DCAF4: variants seen among roughly 807,000 people sequenced by gnomAD.
The protein encoded by DCAF4 is DDB1- and CUL4-associated factor 4.
A neutral mutation model predicts 60.9 loss-of-function variants in DCAF4; 37 were observed. That is an observed-to-expected ratio of 0.61 (90% CI 0.47 to 0.80). The LOEUF is 0.80. Among genes scored for constraint, DCAF4 ranks in the 30% least tolerant of loss-of-function variants. The pLI is 0.00. For synonymous variants in DCAF4, 243 were observed against 254.8 expected (o/e 0.95, Z 0.44); for missense variants, 577 against 650.0 (o/e 0.89, Z 1.22).
chr14:72,947,939 A>G (rs2806042), intron 8 of DCAF4, among the ~76,000 whole-genome samples: 74,583 of 151,988 alleles, frequency 0.49, 19,079 homozygotes, highest in East Asian at 0.62. Flanking sequence ...TGACTCACCC[A>G]AAACCACATG....
At chr14:72,945,841 G>T in intron 6 of DCAF4, 43 bp from the exon 7 acceptor site, 4 of 1,612,752 alleles carry the variant, frequency 2.5e-6, no homozygotes, top group Non-Finnish European at 2.5e-6. Context: ...AGTCCACCAG[G>T]CGCAGCCTGG....
In DCAF4 at chr14:72,955,495, A is replaced by G. The variant is rs770608869; in HGVS notation, c.1006-28A>G. ...GCCTCAGAGGGATGTCATGATAGCC[A>G]GGCACTGAGCAGTCCCTCTTTCCAC... On this transcript the variant is annotated intron_variant, in intron 11 of 13. Coordinates refer to ENST00000358377, the MANE Select transcript of DCAF4 (RefSeq NM_015604.4). 8 of 1,607,034 alleles carry G rather than the reference A, an allele frequency of 5.0e-6. No homozygotes were observed. In the South Asian group the frequency reaches 8.9e-5, roughly 18 times the overall value.
chr14:72,930,562 TCCGGC>T (rs1193771606), intron 1 of DCAF4, among the ~76,000 whole-genome samples: 1 of 152,196 alleles, frequency 6.6e-6, no homozygotes, highest in East Asian at 1.9e-4. Flanking sequence ...AGCCACTGTG[TCCGGC>T]CCTAAATAAT....
rs186358415 is a variant in DCAF4, at chr14:72,927,581, G to C, written c.-9+1038G>C. Among the ~76,000 whole-genome samples, 384 of 152,110 alleles carry C rather than the reference G, an allele frequency of 2.5e-3. 5 individuals carry two copies. The highest frequency in any genetic ancestry group is 0.021 in the Admixed American group (325 of 15,282). ...TTAGCCAGGATGGTCTCGATCTCCT[G>C]ACCTCGTGATCCGCCCGCCTCGGCC... On this transcript the variant is annotated intron_variant, in intron 1 of 13. Transcript: ENST00000358377.
intron 8 of DCAF4, among the ~76,000 whole-genome samples, chr14:72,950,578 G>C (rs1019035482): frequency 1.3e-5 from 2 of 152,008 alleles, no homozygotes; most frequent in Non-Finnish European, 2.9e-5. Context: ...TTGGCTATGA[G>C]GGGAAAAGGA....
chr14:72,940,353 C>T lies in DCAF4; in HGVS notation c.327C>T (p.Leu109=). The change falls in exon 4 of 14, where the codon CTC becomes CTT. Residue 109 remains leucine (L), a synonymous_variant. Coordinates refer to ENST00000358377, the MANE Select transcript of DCAF4 (RefSeq NM_015604.4). ...TGGAGAGCAAGAGACTGCGGCTGCT[C>T]CAGGAAGAAGACAGACGGAAAAAGG... ...KEMESKRLRL[L]QEEDRRKKIA... is the part of the protein sequence containing the mutation. The T allele has an allele frequency of 1.2e-6, 2 of 1,612,428 alleles. No homozygotes were observed. Among genetic ancestry groups the T allele is most frequent in the Non-Finnish European group, 1.7e-6 (2 of 1,179,632 alleles).
At chr14:72,933,645 T>C (rs1888874368) in intron 1 of DCAF4, among the ~76,000 whole-genome samples, 1 of 152,180 alleles carries the variant, frequency 6.6e-6, no homozygotes, top group Admixed American at 6.5e-5. Flanking sequence ...CCATATCCTG[T>C]TTACTTTCAA....
chr14:72,958,486 T>G, intron 13 of DCAF4, 126 bp from the exon 14 acceptor site: 34 of 1,078,842 alleles, frequency 3.2e-5, no homozygotes, highest in Non-Finnish European at 4.3e-5. Flanking sequence ...TGTCCGTTAA[T>G]GAGTTTGTGT....
At chr14:72,940,144 C>G in intron 3 of DCAF4, 76 bp from the exon 4 acceptor site, 2 of 1,571,994 alleles carry the variant, frequency 1.3e-6, no homozygotes. Flanking sequence ...GGTGGGGGGA[C>G]AGGCCACTGG....
At chr14:72,929,186 C>G (rs1482438334) in intron 1 of DCAF4, among the ~76,000 whole-genome samples, 1 of 151,978 alleles carries the variant, frequency 6.6e-6, no homozygotes, top group Non-Finnish European at 1.5e-5. Flanking sequence ...GGAATGGTGC[C>G]CTGGAAGCAG....
chr14:72,929,836 CGCCCGCGGCGGCGGCTGT>C lies in DCAF4; in HGVS notation c.-9+3297_-9+3314del, dbSNP rs149835544. 1,090 of 1,388,216 alleles carry C rather than the reference CGCCCGCGGCGGCGGCTGT, an allele frequency of 7.9e-4. 7 individuals are homozygous for C. In the African/African-American group the frequency reaches 0.014, roughly 18 times the overall value. The allele number at this position is 1,388,216 out of a possible 1,614,324, so 86.0% of individuals were successfully genotyped here. A position where few individuals can be genotyped will look rare whatever the true frequency, so the allele number is the denominator to read the frequency against. ...TACAAACTTGGTGCGTTTGCTCAGACGCCCGCGGCGGCGGCTGTGCCTGGGCTTGCTCACGTTCTTGGT... is the reference window on the plus strand; with the variant it reads ...TACAAACTTGGTGCGTTTGCTCAGACGCCTGGGCTTGCTCACGTTCTTGGT... On this transcript the variant is annotated intron_variant, in intron 1 of 13. Transcript: ENST00000358377.
intron 8 of DCAF4, 46 bp from the exon 9 acceptor site, chr14:72,951,752 C>T: frequency 6.3e-7 from 1 of 1,595,886 alleles, no homozygotes; most frequent in Non-Finnish European, 8.6e-7. Context: ...ATGCCTCCTC[C>T]CAGAGGGGAG....
intron 1 of DCAF4, among the ~76,000 whole-genome samples, chr14:72,927,981 G>T (rs1359760474): frequency 6.6e-6 from 1 of 151,788 alleles, no homozygotes; most frequent in Non-Finnish European, 1.5e-5. Context: ...TGTTAAGATG[G>T]GGCGGAGGGG....
At chr14:72,960,206 G>T (rs1234888494), downstream of DCAF4, among the ~76,000 whole-genome samples, 1 of 151,388 alleles carries the variant, frequency 6.6e-6, no homozygotes, top group Non-Finnish European at 1.5e-5. Context: ...GCCCAGGCTG[G>T]AGTGCAATGG....
intron 1 of DCAF4, among the ~76,000 whole-genome samples, chr14:72,929,368 A>T (rs1429511929): frequency 6.6e-6 from 1 of 152,188 alleles, no homozygotes; most frequent in African/African-American, 2.4e-5. Context: ...TGTGCACTAC[A>T]TACACATACG....
chr14:72,943,399 T>C (rs933272698), intron 6 of DCAF4, among the ~76,000 whole-genome samples: 1 of 152,066 alleles, frequency 6.6e-6, no homozygotes, highest in African/African-American at 2.4e-5. Context: ...TCCTTGGCTG[T>C]GTTGTATATG....
In DCAF4 at chr14:72,929,127, C is replaced by T. The variant is rs192461307; in HGVS notation, c.-9+2584C>T. On this transcript the variant is annotated intron_variant, in intron 1 of 13. Transcript: ENST00000358377. ...GTGTAGCGCACCCCGCCCCCCACCC[C>T]GCCCGGCCTCCTCTGGGCCTGCGCC... 3.4e-3 allele frequency among the ~76,000 whole-genome samples: 518 copies of T among 152,214 alleles called. 4 individuals are homozygous for T. Among genetic ancestry groups the T allele is most frequent in the African/African-American group, 0.012 (494 of 41,552 alleles).
At chr14:72,953,760 TATAG>T (rs1567325318) in intron 9 of DCAF4, among the ~76,000 whole-genome samples, 3 of 57,900 alleles carry the variant, frequency 5.2e-5, no homozygotes, top group Non-Finnish European at 7.8e-5. Flanking sequence ...TATATATATA[TATAG>T]TTTATTTATT....
intron 1 of DCAF4, among the ~76,000 whole-genome samples, chr14:72,930,230 A>G (rs1888365660): frequency 6.7e-6 from 1 of 149,388 alleles, no homozygotes; most frequent in African/African-American, 2.5e-5. Context: ...CCAGTTGGCT[A>G]TTTGTGTAGC....
Sources: gnomAD v4.1 joint callset for allele counts (sites outside exome capture counted in the v4.1 genomes callset) on GRCh38, gnomAD v4.1.1 for gene constraint, MANE v1.5 for transcripts, NCBI Gene and HGNC (gene_info 2026-07-23, HGNC 2026-07-21) for gene names.